Variants in SLC30A9 observed in about 807,000 individuals in gnomAD.
SLC30A9 encodes the protein proton-coupled zinc antiporter SLC30A9, mitochondrial.
Under a neutral mutation model 87.5 loss-of-function variants are expected in SLC30A9, and 58 were observed. The ratio of observed to expected loss-of-function variants is 0.66; its 90% CI spans 0.54 to 0.82. The LOEUF is 0.82. Among genes scored for constraint, SLC30A9 ranks in the 40% least tolerant of loss-of-function variants. The pLI, the probability that SLC30A9 is intolerant of heterozygous loss-of-function variation, is 0.00. For synonymous variants in SLC30A9, 234 were observed against 233.0 expected (o/e 1.00, Z -0.04); for missense variants, 557 against 679.1 (o/e 0.82, Z 2.00).
At chr4:42,033,592 T>C (rs1173599397) in intron 6 of SLC30A9, among the ~76,000 whole-genome samples, 1 of 152,246 alleles carries the variant, frequency 6.6e-6, no homozygotes, top group Non-Finnish European at 1.5e-5. Context: ...TGCTTTTTTT[T>C]TGAGGCGGAG....
At chr4:42,053,612 C>G (rs1467732687) in intron 9 of SLC30A9, among the ~76,000 whole-genome samples, 3 of 139,358 alleles carry the variant, frequency 2.2e-5, no homozygotes, top group African/African-American at 8.3e-5. Flanking sequence ...TCGCTTGAAC[C>G]CGGGAGGCGG....
At chr4:42,053,244 C>T (rs1717456818) in intron 9 of SLC30A9, among the ~76,000 whole-genome samples, 1 of 152,138 alleles carries the variant, frequency 6.6e-6, no homozygotes, top group South Asian at 2.1e-4. Context: ...AGCCAGATCT[C>T]CCAGTCATTG....
At chr4:42,014,149 A>G (rs560023197) in intron 2 of SLC30A9, among the ~76,000 whole-genome samples, 7 of 152,356 alleles carry the variant, frequency 4.6e-5, no homozygotes, top group East Asian at 1.9e-4. Flanking sequence ...ATCATTGATC[A>G]TCAGAGAAGT....
chr4:42,005,954 C>T (rs903863538), intron 2 of SLC30A9, among the ~76,000 whole-genome samples: 1 of 152,144 alleles, frequency 6.6e-6, no homozygotes, highest in Non-Finnish European at 1.5e-5. Context: ...ATGTGTTCAG[C>T]ATCTGTGGAT....
At chr4:42,075,456 G>A (rs964963236) in intron 15 of SLC30A9, among the ~76,000 whole-genome samples, 2 of 151,392 alleles carry the variant, frequency 1.3e-5, no homozygotes, top group African/African-American at 2.4e-5. Context: ...ACCTTTGTAT[G>A]ATATCATGCC....
At chr4:42,064,054 CT>C (rs1475623968) in intron 11 of SLC30A9, among the ~76,000 whole-genome samples, 2 of 152,210 alleles carry the variant, frequency 1.3e-5, no homozygotes, top group African/African-American at 4.8e-5. Context: ...AGTTAGTAGG[CT>C]TGCGTATGGA....
At chr4:42,083,799 G>A (rs569437944) in intron 17 of SLC30A9, among the ~76,000 whole-genome samples, 55 of 152,044 alleles carry the variant, frequency 3.6e-4, no homozygotes, top group Non-Finnish European at 6.6e-4. Flanking sequence ...TGAGTTTAAG[G>A]AGTTCTAGAG....
At chr4:42,075,411 A>G (rs1422383994) in intron 15 of SLC30A9, among the ~76,000 whole-genome samples, 1 of 152,082 alleles carries the variant, frequency 6.6e-6, no homozygotes, top group African/African-American at 2.4e-5. Flanking sequence ...TTTATAATTC[A>G]TAAATTACCA....
At chr4:42,077,242 G>A (rs1318856847) in intron 16 of SLC30A9, among the ~76,000 whole-genome samples, 1 of 152,118 alleles carries the variant, frequency 6.6e-6, no homozygotes, top group Admixed American at 6.5e-5. Flanking sequence ...TTTGATAGGT[G>A]TGAAATAGTA....
intron 9 of SLC30A9, among the ~76,000 whole-genome samples, chr4:42,052,166 G>A (rs1383783081): frequency 6.6e-6 from 1 of 151,946 alleles, no homozygotes; most frequent in Non-Finnish European, 1.5e-5. Flanking sequence ...TCCATAAGTA[G>A]TATCACAAAA....
At chr4:42,043,558 A>T (rs1717008362) in intron 8 of SLC30A9, among the ~76,000 whole-genome samples, 1 of 152,218 alleles carries the variant, frequency 6.6e-6, no homozygotes, top group Non-Finnish European at 1.5e-5. Context: ...TGCAAGAAAG[A>T]TGGGACTATG....
chr4:42,006,820 C>T (rs944914590), intron 2 of SLC30A9, among the ~76,000 whole-genome samples: 2 of 151,998 alleles, frequency 1.3e-5, no homozygotes, highest in East Asian at 1.9e-4. Context: ...GGTGATCCAG[C>T]TTCCATATTC....
At chr4:42,023,831 G>A (rs1259406702) in intron 6 of SLC30A9, among the ~76,000 whole-genome samples, 2 of 152,092 alleles carry the variant, frequency 1.3e-5, no homozygotes, top group African/African-American at 2.4e-5. Context: ...CAATCATGGC[G>A]CAAGGGGAAG....
At chr4:42,018,447 G>T (rs1715809452) in intron 3 of SLC30A9, 1 of 1,261,414 alleles carries the variant, frequency 7.9e-7, no homozygotes, top group Non-Finnish European at 1.0e-6. Context: ...TTTTAGAAGA[G>T]TAAGGCAATT....
intron 2 of SLC30A9, among the ~76,000 whole-genome samples, chr4:42,005,159 G>A (rs567112228): frequency 6.6e-6 from 1 of 151,896 alleles, no homozygotes; most frequent in East Asian, 1.9e-4. Flanking sequence ...TCATGATGTC[G>A]TACCTGTGTT....
At chr4:42,061,887 C>T (rs1171269160) in intron 10 of SLC30A9, among the ~76,000 whole-genome samples, 3 of 144,420 alleles carry the variant, frequency 2.1e-5, no homozygotes, top group Admixed American at 1.4e-4. Context: ...TCAACAAGAG[C>T]GAAACTCCGT....
At chr4:42,079,266 T>A (rs575593437) in intron 17 of SLC30A9, among the ~76,000 whole-genome samples, 1 of 152,174 alleles carries the variant, frequency 6.6e-6, no homozygotes, top group East Asian at 1.9e-4. Context: ...CATTTACTTT[T>A]AAAAACATAC....
Position 42,027,668 on chromosome 4 carries a change from C to T in SLC30A9, c.610+4284C>T, listed in dbSNP as rs190749223. ...ACATTACTAGATTAATCAATCATCACAGTATTCCCAACTCACAGGAGTGTA... is the reference window on the plus strand; with the variant it reads ...ACATTACTAGATTAATCAATCATCATAGTATTCCCAACTCACAGGAGTGTA... On this transcript the variant is annotated intron_variant, in intron 6 of 17. Transcript: ENST00000264451. Among the ~76,000 whole-genome samples the T allele has an allele frequency of 1.0e-3, 156 of 152,190 alleles. 1 individual carries two copies. The highest frequency in any genetic ancestry group is 3.6e-3 in the African/African-American group (150 of 41,516).
intron 6 of SLC30A9, among the ~76,000 whole-genome samples, chr4:42,023,831 G>T (rs1259406702): frequency 6.6e-6 from 1 of 152,092 alleles, no homozygotes; most frequent in Non-Finnish European, 1.5e-5. Context: ...CAATCATGGC[G>T]CAAGGGGAAG....
Sources: gnomAD v4.1 joint callset for allele counts (sites outside exome capture counted in the v4.1 genomes callset) on GRCh38, gnomAD v4.1.1 for gene constraint, MANE v1.5 for transcripts, NCBI Gene and HGNC (gene_info 2026-07-23, HGNC 2026-07-21) for gene names.